ITPR1: variants seen among roughly 807,000 people sequenced by gnomAD.
ITPR1 encodes inositol 1,4,5-trisphosphate receptor type 1.
Under a neutral mutation model 318.4 loss-of-function variants are expected in ITPR1, and 96 were observed. That is an observed-to-expected ratio of 0.30 (90% CI 0.26 to 0.36). ITPR1 has a LOEUF of 0.36. Ranked by LOEUF, ITPR1 falls within the 10% of genes least tolerant of loss-of-function variation. The probability of loss-of-function intolerance (pLI) is 1.00; values close to 1 mark genes in which losing one functional copy is unlikely to be tolerated. For synonymous variants in ITPR1, 1,312 were observed against 1,289.9 expected (o/e 1.02, Z -0.37); for missense variants, 2,440 against 3,460.2 (o/e 0.71, Z 7.40).
intron 17 of ITPR1, among the ~76,000 whole-genome samples, chr3:4,666,235 C>A (rs578017637): frequency 8.4e-4 from 128 of 152,110 alleles, no homozygotes; most frequent in Non-Finnish European, 1.1e-3. Context: ...CTATACTGGA[C>A]TTTTAGAGTT....
intron 37 of ITPR1, among the ~76,000 whole-genome samples, chr3:4,709,463 C>T (rs2094825902): frequency 6.6e-6 from 1 of 152,222 alleles, no homozygotes; most frequent in Non-Finnish European, 1.5e-5. Flanking sequence ...TTTTCCCATG[C>T]AAATGTCCTT....
intron 39 of ITPR1, among the ~76,000 whole-genome samples, chr3:4,716,875 C>G (rs2041805014): frequency 6.6e-6 from 1 of 152,164 alleles, no homozygotes; most frequent in Non-Finnish European, 1.5e-5. Flanking sequence ...TGGGGATATG[C>G]TGGTCTTATT....
At chr3:4,605,418 C>A (rs1000347422) in intron 4 of ITPR1, among the ~76,000 whole-genome samples, 4 of 152,062 alleles carry the variant, frequency 2.6e-5, no homozygotes, top group Non-Finnish European at 5.9e-5. Context: ...GGTCAAATGA[C>A]AAAATGGGAA....
At chr3:4,679,655 C>G (rs1017827731) in intron 24 of ITPR1, among the ~76,000 whole-genome samples, 1 of 152,194 alleles carries the variant, frequency 6.6e-6, no homozygotes, top group Non-Finnish European at 1.5e-5. Context: ...TCTGGAAACC[C>G]CCTCATAGAT....
intron 4 of ITPR1, among the ~76,000 whole-genome samples, chr3:4,536,524 T>C (rs1247851245): frequency 1.3e-5 from 2 of 152,190 alleles, no homozygotes; most frequent in African/African-American, 2.4e-5. Context: ...CCTGAATGAA[T>C]AGAAATGCTC....
At chr3:4,674,693 A>G (rs890204803) in intron 22 of ITPR1, among the ~76,000 whole-genome samples, 5 of 152,194 alleles carry the variant, frequency 3.3e-5, no homozygotes, top group African/African-American at 7.2e-5. Flanking sequence ...TGAGTTAACA[A>G]CGTTTCTGAG....
chr3:4,795,699 A>G (rs2047854469), intron 53 of ITPR1, among the ~76,000 whole-genome samples: 1 of 152,244 alleles, frequency 6.6e-6, no homozygotes, highest in Non-Finnish European at 1.5e-5. Flanking sequence ...TGCAGACTGT[A>G]CAATGTTTAG....
intron 55 of ITPR1, among the ~76,000 whole-genome samples, chr3:4,807,073 GA>G (rs1459372286): frequency 2.3e-5 from 3 of 129,916 alleles, no homozygotes; most frequent in African/African-American, 3.2e-5. Context: ...CAAAGAGGGG[GA>G]CTTACAAAGA....
At chr3:4,615,895 C>T (rs554088764) in intron 4 of ITPR1, among the ~76,000 whole-genome samples, 3 of 152,116 alleles carry the variant, frequency 2.0e-5, no homozygotes, top group Admixed American at 1.3e-4. Flanking sequence ...GTTGTCAGCT[C>T]GAGTTTTCTA....
At chr3:4,595,869 C>A (rs1399012218) in intron 4 of ITPR1, among the ~76,000 whole-genome samples, 1 of 152,074 alleles carries the variant, frequency 6.6e-6, no homozygotes, top group African/African-American at 2.4e-5. Flanking sequence ...CTTAAGAAAT[C>A]AGAAAGGTCA....
In ITPR1 at chr3:4,673,408, C is replaced by T. The variant is rs2094125268; in HGVS notation, c.2456+21C>T. ...GACGAGTGAGCCTGGCACCTGAAAACCTCACTTTACATTATTCTGTGCGGC... is the reference window on the plus strand; with the variant it reads ...GACGAGTGAGCCTGGCACCTGAAAATCTCACTTTACATTATTCTGTGCGGC... On this transcript the variant is annotated intron_variant, in intron 21 of 61. Transcript: ENST00000649015. 10 of 1,584,112 alleles carry T rather than the reference C, an allele frequency of 6.3e-6. No homozygotes were observed. In the East Asian group the frequency reaches 1.8e-4, roughly 28 times the overall value.
intron 4 of ITPR1, among the ~76,000 whole-genome samples, chr3:4,528,634 T>G (rs1366863531): frequency 6.6e-6 from 1 of 152,192 alleles, no homozygotes; most frequent in African/African-American, 2.4e-5. Context: ...TTGATTCTAA[T>G]CCATGACAGG....
At chr3:4,705,008 T>G (rs2094727496) in intron 36 of ITPR1, among the ~76,000 whole-genome samples, 2 of 152,160 alleles carry the variant, frequency 1.3e-5, no homozygotes, top group South Asian at 4.2e-4. Flanking sequence ...TGGCTTATAG[T>G]TTTTTTTCCG....
Position 4,621,928 on chromosome 3 carries a change from C to T in ITPR1, c.164-5835C>T, listed in dbSNP as rs138779710. ...GATGACCCTGTAGAAAGTGTTGCCT[C>T]CCCACCTCAGCCCTAGTGCATCCAT... On this transcript the variant is annotated intron_variant, in intron 4 of 61. Coordinates refer to ENST00000649015, the MANE Select transcript of ITPR1 (RefSeq NM_001378452.1). Among the ~76,000 whole-genome samples the T allele has an allele frequency of 1.0e-3, 159 of 152,222 alleles. 1 individual carries two copies. Among genetic ancestry groups the T allele is most frequent in the Non-Finnish European group, 1.9e-3 (127 of 68,002 alleles).
At chr3:4,499,263 G>C (rs1001568827) in intron 2 of ITPR1, among the ~76,000 whole-genome samples, 4 of 151,998 alleles carry the variant, frequency 2.6e-5, no homozygotes, top group African/African-American at 9.7e-5. Context: ...TAGAGATTAG[G>C]GTTTCAGGCT....
intron 44 of ITPR1, among the ~76,000 whole-genome samples, chr3:4,765,488 T>C (rs1174930486): frequency 6.6e-6 from 1 of 152,084 alleles, no homozygotes; most frequent in Non-Finnish European, 1.5e-5. Flanking sequence ...GGGGTGTGTG[T>C]ATGGGTGAGA....
At chr3:4,587,271 G>GTT (rs34690762) in intron 4 of ITPR1, among the ~76,000 whole-genome samples, 2,811 of 118,866 alleles carry the variant, frequency 0.024, 154 homozygotes, top group African/African-American at 0.071. Context: ...ACTTCTCATG[G>GTT]TTTTTTTTTT....
At chr3:4,500,846 T>C (rs2080965942) in intron 2 of ITPR1, among the ~76,000 whole-genome samples, 1 of 152,088 alleles carries the variant, frequency 6.6e-6, no homozygotes, top group African/African-American at 2.4e-5. Context: ...TAGTGGGCCT[T>C]GATGAACTTT....
intron 4 of ITPR1, among the ~76,000 whole-genome samples, chr3:4,587,271 GTT>G (rs34690762): frequency 7.6e-5 from 9 of 118,880 alleles, no homozygotes; most frequent in Admixed American, 8.8e-5. Context: ...ACTTCTCATG[GTT>G]TTTTTTTTTT....
Sources: allele counts gnomAD v4.1 joint callset (sites outside exome capture counted in the v4.1 genomes callset), GRCh38; gene constraint gnomAD v4.1.1; transcripts MANE v1.5; gene names NCBI Gene and HGNC (gene_info 2026-07-23, HGNC 2026-07-21).